The following SASH1 variants were observed in gnomAD, a reference collection of about 807,000 sequenced individuals.
SASH1 encodes the protein SAM and SH3 domain containing 1, also known as SAM and SH3 domain-containing protein 1.
Under a neutral mutation model 125.2 loss-of-function variants are expected in SASH1, and 44 were observed. The ratio of observed to expected loss-of-function variants is 0.35; its 90% confidence interval spans 0.28 to 0.45. SASH1 has a LOEUF of 0.45. Ranked by LOEUF, SASH1 falls within the 20% of genes least tolerant of loss-of-function variation. The pLI is 1.00. For synonymous variants in SASH1, 639 were observed against 649.1 expected (o/e 0.98, Z 0.24); for missense variants, 1,426 against 1,614.5 (o/e 0.88, Z 2.00).
At chr6:148,423,615 C>T (rs1261548610) in intron 2 of SASH1, among the ~76,000 whole-genome samples, 2 of 152,140 alleles carry the variant, frequency 1.3e-5, no homozygotes, top group Admixed American at 6.5e-5. Flanking sequence ...TAATCAGTTC[C>T]GACGTTATTT....
chr6:148,283,928 A>ATT (rs11374340), intron 1 of SASH1, among the ~76,000 whole-genome samples: 131 of 150,078 alleles, frequency 8.7e-4, no homozygotes, highest in African/African-American at 2.7e-3. Context: ...TATCTATGTA[A>ATT]TTTTTTTTTT....
chr6:148,461,001 C>T (rs192773917), intron 4 of SASH1, among the ~76,000 whole-genome samples: 39 of 152,310 alleles, frequency 2.6e-4, no homozygotes, highest in African/African-American at 9.4e-4. Context: ...AGACTAAGTT[C>T]GTCAGTTTGG....
At chr6:148,243,448 C>T in the SASH1 span, among the ~76,000 whole-genome samples, 1 of 101,612 alleles carries the variant, frequency 9.8e-6, no homozygotes, top group South Asian at 3.2e-4. Flanking sequence ...AAAATTCCAT[C>T]TAAATAATAA....
chr6:148,259,296 T>C, the SASH1 span, among the ~76,000 whole-genome samples: 20 of 152,200 alleles, frequency 1.3e-4, no homozygotes, highest in Non-Finnish European at 2.9e-5. Context: ...CAAAATTCTA[T>C]GAAGGGACAG....
At chr6:148,304,446 GA>G (rs1216162960) in intron 1 of SASH1, among the ~76,000 whole-genome samples, 1 of 89,732 alleles carries the variant, frequency 1.1e-5, no homozygotes, top group African/African-American at 5.6e-5. Flanking sequence ...AAAAAAAAAA[GA>G]AAAGAAAAAA....
At chr6:148,525,424 T>G in intron 11 of SASH1, 59 bp downstream of exon 11, 1 of 1,288,062 alleles carries the variant, frequency 7.8e-7, no homozygotes, top group Non-Finnish European at 1.1e-6. Context: ...TTGACAATAG[T>G]TCACCATTGA....
At chr6:148,400,060 G>A (rs1310143934) in intron 2 of SASH1, among the ~76,000 whole-genome samples, 2 of 152,256 alleles carry the variant, frequency 1.3e-5, no homozygotes, top group Admixed American at 1.3e-4. Flanking sequence ...ACTAGAGGCA[G>A]TATGATCTGA....
At chr6:148,526,359 C>G (rs184425235) in intron 11 of SASH1, among the ~76,000 whole-genome samples, 95 of 152,100 alleles carry the variant, frequency 6.2e-4, no homozygotes, top group South Asian at 1.2e-3. Flanking sequence ...ACGCGCCCGG[C>G]CTTTGGTGAG....
chr6:148,520,463 G>A (rs1044849043), intron 10 of SASH1: 1 of 153,994 alleles, frequency 6.5e-6, no homozygotes, highest in African/African-American at 2.4e-5. Flanking sequence ...TCTTCTGCGG[G>A]GACCGGCTTC....
At chr6:148,489,184 TGTGGATATCCA>T (rs1778996758) in intron 8 of SASH1, among the ~76,000 whole-genome samples, 1 of 152,242 alleles carries the variant, frequency 6.6e-6, no homozygotes, top group Non-Finnish European at 1.5e-5. Flanking sequence ...TTCATTTGCA[TGTGGATATCCA>T]GTTTTTCCAG....
the SASH1 span, among the ~76,000 whole-genome samples, chr6:148,239,616 C>T: frequency 2.0e-5 from 3 of 151,980 alleles, no homozygotes; most frequent in South Asian, 2.1e-4. Context: ...TCACTGTGCG[C>T]GAATCATTGT....
chr6:148,527,988 TGGGGGG>T (rs373045911), intron 12 of SASH1, among the ~76,000 whole-genome samples: 1 of 115,160 alleles, frequency 8.7e-6, no homozygotes, highest in Non-Finnish European at 1.8e-5. Flanking sequence ...TTTTTTTTTT[TGGGGGG>T]GGGGGTGGCA....
chr6:148,295,341 C>A (rs1436798999), intron 1 of SASH1, among the ~76,000 whole-genome samples: 1 of 152,142 alleles, frequency 6.6e-6, no homozygotes, highest in Non-Finnish European at 1.5e-5. Context: ...CATACTTTAT[C>A]TCTCTCTCTT....
At chr6:148,488,795 T>C (rs13208126) in intron 8 of SASH1, among the ~76,000 whole-genome samples, 24,972 of 152,182 alleles carry the variant, frequency 0.16, 2,398 homozygotes, top group African/African-American at 0.27. Flanking sequence ...AATGTCTGAG[T>C]CTTTTGCCTG....
At chr6:148,510,237 A>G (rs1780039972) in intron 8 of SASH1, among the ~76,000 whole-genome samples, 1 of 152,196 alleles carries the variant, frequency 6.6e-6, no homozygotes, top group Non-Finnish European at 1.5e-5. Context: ...TGCAGAGGAG[A>G]GGCTGGAAAT....
chr6:148,292,913 A>G (rs763771155), intron 1 of SASH1, among the ~76,000 whole-genome samples: 1 of 152,064 alleles, frequency 6.6e-6, no homozygotes, highest in Non-Finnish European at 1.5e-5. Context: ...TTAGCCGGGC[A>G]TGGTGGCATG....
chr6:148,302,041 C>T (rs1295658346), intron 1 of SASH1, among the ~76,000 whole-genome samples: 1 of 151,394 alleles, frequency 6.6e-6, no homozygotes, highest in South Asian at 2.1e-4. Context: ...ATAGGCCGGG[C>T]GTGGCGGCTC....
At chr6:148,506,345 G>A (rs891139401) in intron 8 of SASH1, among the ~76,000 whole-genome samples, 1 of 151,696 alleles carries the variant, frequency 6.6e-6, no homozygotes, top group Non-Finnish European at 1.5e-5. Context: ...CATACTGGCG[G>A]GTGCCTGTAA....
At chr6:148,335,872 G>A (rs1371482945) in intron 1 of SASH1, among the ~76,000 whole-genome samples, 1 of 152,138 alleles carries the variant, frequency 6.6e-6, no homozygotes, top group Non-Finnish European at 1.5e-5. Context: ...TCCTCTTCAT[G>A]ATCACAGAGA....
Sources: gnomAD v4.1 joint callset for allele counts (sites outside exome capture counted in the v4.1 genomes callset) on GRCh38, gnomAD v4.1.1 for gene constraint, MANE v1.5 for transcripts, NCBI Gene and HGNC (gene_info 2026-07-23, HGNC 2026-07-21) for gene names.